The following NWD2 variants were observed in gnomAD, a reference collection of about 807,000 sequenced individuals.
NWD2 encodes NACHT and WD repeat domain-containing protein 2.
NWD2 carries 37 observed loss-of-function variants against 132.7 expected under a neutral mutation model. The ratio of observed to expected loss-of-function variants is 0.28; its 90% CI spans 0.21 to 0.37. The LOEUF (loss-of-function observed/expected upper bound fraction) is 0.37. NWD2 is among the 10% of genes least tolerant of loss of function. The pLI is 1.00. For synonymous variants in NWD2, 705 were observed against 803.0 expected (o/e 0.88, Z 2.06); for missense variants, 1,592 against 2,122.4 (o/e 0.75, Z 4.91).
intron 1 of NWD2, among the ~76,000 whole-genome samples, chr4:37,256,521 A>G (rs1717522827): frequency 6.6e-6 from 1 of 152,228 alleles, no homozygotes; most frequent in Non-Finnish European, 1.5e-5. Flanking sequence ...GATTGATGAT[A>G]TTCTAGAAGA....
chr4:37,332,765 G>A (rs1719320009), intron 2 of NWD2, among the ~76,000 whole-genome samples: 2 of 152,140 alleles, frequency 1.3e-5, no homozygotes, highest in South Asian at 2.1e-4. Flanking sequence ...CCACAGTAGG[G>A]TAGAGCACCA....
At chr4:37,271,877 C>A (rs1172302943) in intron 1 of NWD2, among the ~76,000 whole-genome samples, 1 of 151,708 alleles carries the variant, frequency 6.6e-6, no homozygotes, top group African/African-American at 2.4e-5. Context: ...TAAGGCAAGT[C>A]TACTAGTAGC....
intron 1 of NWD2, among the ~76,000 whole-genome samples, chr4:37,321,579 C>A (rs540453112): frequency 6.6e-6 from 1 of 152,286 alleles, no homozygotes; most frequent in South Asian, 2.1e-4. Context: ...TTGATTTACA[C>A]TGTTTAAAGA....
At chr4:37,419,042 C>T (rs1278691453) in intron 3 of NWD2, among the ~76,000 whole-genome samples, 1 of 151,870 alleles carries the variant, frequency 6.6e-6, no homozygotes, top group African/African-American at 2.4e-5. Context: ...GTACTTGTAC[C>T]AAAACAGATA....
chr4:37,401,721 T>G (rs1720898715), intron 3 of NWD2, among the ~76,000 whole-genome samples: 1 of 152,216 alleles, frequency 6.6e-6, no homozygotes, highest in East Asian at 1.9e-4. Flanking sequence ...GCCTTCTACT[T>G]TCTTTTCTAG....
intron 1 of NWD2, among the ~76,000 whole-genome samples, chr4:37,267,534 T>G (rs1451425484): frequency 2.0e-5 from 3 of 151,920 alleles, no homozygotes; most frequent in African/African-American, 7.2e-5. Context: ...AAATGTAACA[T>G]TTTTGATAAC....
intron 1 of NWD2, among the ~76,000 whole-genome samples, chr4:37,249,398 A>G (rs969490277): frequency 1.3e-5 from 2 of 152,242 alleles, no homozygotes; most frequent in Admixed American, 1.3e-4. Context: ...GTTTCCCAAT[A>G]TTGAACCCAA....
At chr4:37,363,846 G>A (rs1424924979) in intron 3 of NWD2, among the ~76,000 whole-genome samples, 6 of 152,130 alleles carry the variant, frequency 3.9e-5, no homozygotes, top group Admixed American at 2.0e-4. Context: ...GCAGACGGCC[G>A]GGCGCAGTGG....
intron 3 of NWD2, among the ~76,000 whole-genome samples, chr4:37,357,914 A>C (rs536202450): frequency 4.6e-5 from 7 of 152,248 alleles, no homozygotes; most frequent in Admixed American, 3.9e-4. Flanking sequence ...TGGATATTCC[A>C]AGTCAGGTAT....
intron 1 of NWD2, among the ~76,000 whole-genome samples, chr4:37,312,204 A>G (rs983504132): frequency 4.0e-5 from 6 of 151,604 alleles, no homozygotes; most frequent in Admixed American, 1.3e-4. Flanking sequence ...CATTGAATTT[A>G]TAAATTACCT....
At chr4:37,296,673 C>T (rs137982123) in intron 1 of NWD2, among the ~76,000 whole-genome samples, 2 of 152,036 alleles carry the variant, frequency 1.3e-5, no homozygotes, top group Non-Finnish European at 2.9e-5. Context: ...ATATAATAGA[C>T]CTTACAGACT....
At chr4:37,279,266 A>G (rs975229647) in intron 1 of NWD2, among the ~76,000 whole-genome samples, 9 of 152,212 alleles carry the variant, frequency 5.9e-5, no homozygotes, top group East Asian at 1.9e-4. Flanking sequence ...AGAGCCTTCA[A>G]TGGAAAATCC....
chr4:37,367,404 A>G (rs1004289737), intron 3 of NWD2, among the ~76,000 whole-genome samples: 2 of 152,206 alleles, frequency 1.3e-5, no homozygotes, highest in African/African-American at 4.8e-5. Context: ...AATTCATATA[A>G]TTAGAAAAGA....
At position 37,446,441 on chromosome 4, in the gene NWD2, A is replaced by G. The variant is rs937285098; in HGVS notation, c.4453A>G (p.Lys1485Glu). 1 of 1,551,658 alleles carries G rather than the reference A, an allele frequency of 6.4e-7. No individual in the cohort carries two copies. Among genetic ancestry groups the G allele is most frequent in the Non-Finnish European group, 8.7e-7 (1 of 1,147,018 alleles). Reference protein sequence around the residue: ...CEDGTTIVNFKLIPDCPDIIV... With the variant: ...CEDGTTIVNFELIPDCPDIIV... Reference sequence around the variant, plus strand: ...AGATGGGACCACCATCGTGAATTTTAAATTAATCCCTGACTGTCCTGATAT... The same window carrying G: ...AGATGGGACCACCATCGTGAATTTTGAATTAATCCCTGACTGTCCTGATAT... Residue 1485 changes from lysine to glutamate, a missense_variant, in exon 7 of 7, where the codon AAA becomes GAA. Transcript: ENST00000309447. This position sits in a 1 kb window ranked among gnomAD's most constrained non-coding sequence, Gnocchi z 6.7.
chr4:37,260,838 A>G lies in NWD2; in HGVS notation c.151+15620A>G, dbSNP rs140533245. ...TGAACCCTTGGATAGAAGGGATCTG[A>G]TCTTCATCCTGAATTGTGTAATAGA... On this transcript the variant is annotated intron_variant, in intron 1 of 6. Coordinates refer to ENST00000309447, the MANE Select transcript of NWD2 (RefSeq NM_001144990.2). Among the ~76,000 whole-genome samples the G allele has an allele frequency of 3.6e-3, 546 of 152,290 alleles. 2 individuals carry two copies. The highest frequency in any genetic ancestry group is 5.5e-3 in the Non-Finnish European group (371 of 68,024).
At chr4:37,324,755 T>C (rs185959036) in intron 1 of NWD2, among the ~76,000 whole-genome samples, 8 of 152,306 alleles carry the variant, frequency 5.3e-5, no homozygotes, top group African/African-American at 1.4e-4. Flanking sequence ...GTGTAAACAC[T>C]GGTTCCTGTC....
intron 3 of NWD2, among the ~76,000 whole-genome samples, chr4:37,365,407 A>G (rs1464560924): frequency 3.3e-5 from 5 of 152,222 alleles, no homozygotes; most frequent in African/African-American, 9.6e-5. Flanking sequence ...TTAAAATGAG[A>G]AAACAGTCAT....
intron 1 of NWD2, among the ~76,000 whole-genome samples, chr4:37,309,183 G>T (rs548600855): frequency 6.6e-6 from 1 of 152,190 alleles, no homozygotes. Context: ...CACCACTACA[G>T]GAGTCAGCGT....
chr4:37,247,896 C>T (rs1717278306), intron 1 of NWD2, among the ~76,000 whole-genome samples: 1 of 152,110 alleles, frequency 6.6e-6, no homozygotes, highest in African/African-American at 2.4e-5. Flanking sequence ...AGGTGTGAGC[C>T]ACCGCACCTA....
Sources: gnomAD v4.1 joint callset for allele counts (sites outside exome capture counted in the v4.1 genomes callset) on GRCh38, gnomAD v4.1.1 for gene constraint, Gnocchi (gnomAD v3.1) non-coding constraint, MANE v1.5 for transcripts, NCBI Gene and HGNC (gene_info 2026-07-23, HGNC 2026-07-21) for gene names.